ARPC5: variants seen among roughly 807,000 people sequenced by gnomAD.
The protein encoded by ARPC5 is actin related protein 2/3 complex subunit 5, also known as actin-related protein 2/3 complex subunit 5.
Under a neutral mutation model 15.4 loss-of-function variants are expected in ARPC5, and 5 were observed. The observed-to-expected ratio is 0.32, with a 90% CI of 0.17 to 0.68. The LOEUF is 0.68. ARPC5 is among the 30% of genes least tolerant of loss of function. The pLI, the probability that ARPC5 is intolerant of heterozygous loss-of-function variation, is 0.71. For missense variants in ARPC5, 138 were observed against 192.8 expected (o/e 0.72, Z 1.68); for synonymous variants, 85 against 72.2 (o/e 1.18, Z -0.90).
intron 3 of ARPC5, 57 bp downstream of exon 3, chr1:183,630,398 GTTGTCA>G: frequency 7.6e-7 from 1 of 1,312,856 alleles, no homozygotes. Flanking sequence ...GGTGAGAGAG[GTTGTCA>G]TTGTCATTCC....
At position 183,625,974 on chromosome 1, in the gene ARPC5, G is replaced by C. The variant is rs1014868498; in HGVS notation, c.*1558C>G. On this transcript the variant is annotated 3_prime_UTR_variant, in exon 4 of 4. Transcript: ENST00000359856. ...CTTTGGGCAGTGATACTACATATAG[G>C]TATTCAGCTGCCATCCAGAAGGCTA... 2 of 152,136 alleles carry C rather than the reference G, an allele frequency of 1.3e-5. No individual in the cohort carries two copies. The highest frequency in any genetic ancestry group is 1.5e-5 in the Non-Finnish European group (1 of 68,026). The allele number at this position is 152,136 out of a possible 1,614,324, so 9.4% of individuals were successfully genotyped here.
At chr1:183,632,865 T>C (rs773511593) in intron 2 of ARPC5, 3 of 379,048 alleles carry the variant, frequency 7.9e-6, no homozygotes, top group Non-Finnish European at 1.4e-5. Flanking sequence ...GATTTCACTA[T>C]CGTTTGAACT....
Position 183,626,286 on chromosome 1 carries a change from A to T in ARPC5, c.*1246T>A, listed in dbSNP as rs907188105. On this transcript the variant is annotated 3_prime_UTR_variant, in exon 4 of 4. Transcript: ENST00000359856. ...ACAAAAAGCAGGTATCAAAAACAGC[A>T]AAGAGTTTATAGAATTTCTGCACCA... The T allele has an allele frequency of 6.6e-6, 1 of 152,250 alleles. No homozygotes were observed. Among genetic ancestry groups the T allele is most frequent in the Admixed American group, 6.5e-5 (1 of 15,288 alleles). The allele number at this position is 152,250 out of a possible 1,614,324, so 9.4% of individuals were successfully genotyped here.
intron 1 of ARPC5, 39 bp from the exon 2 acceptor site, chr1:183,633,193 C>T (rs768103917): frequency 2.7e-6 from 4 of 1,456,720 alleles, no homozygotes; most frequent in Non-Finnish European, 2.8e-6. Context: ...AGGATGGCCC[C>T]CAGGAAAGCA....
Position 183,623,709 on chromosome 1 carries a change from G to A in ARPC5, c.*3823C>T. The A allele has an allele frequency of 8.7e-6, 5 of 577,092 alleles. No homozygotes were observed. 35.7% of individuals were successfully genotyped at this position (577,092 alleles called of 1,614,324 possible). A position where few individuals can be genotyped will look rare whatever the true frequency, so the allele number is the denominator to read the frequency against. ...AGGGGATGTTAGTTGTAAATCTAAA[G>A]GAAAAATTGTGTATCTAAAAATTAA... On this transcript the variant is annotated 3_prime_UTR_variant, in exon 4 of 4. Coordinates refer to ENST00000359856, the MANE Select transcript of ARPC5 (RefSeq NM_005717.4).
rs372019571 is a variant in ARPC5 at position 183,627,382 on chromosome 1, T to C, written c.*150A>G. ...AATTTTCATTAAAGGACAACTGATA[T>C]GTAATTTTTTTCTTTACAGATATGA... is the stretch of plus-strand genomic sequence containing the variant. On this transcript the variant is annotated 3_prime_UTR_variant, in exon 4 of 4. Coordinates refer to ENST00000359856, the MANE Select transcript of ARPC5 (RefSeq NM_005717.4). 4 of 696,900 alleles carry C rather than the reference T, an allele frequency of 5.7e-6. No homozygotes were observed. The highest frequency in any genetic ancestry group is 2.3e-5 in the Admixed American group (1 of 43,518). 43.2% of individuals were successfully genotyped at this position (696,900 alleles called of 1,614,324 possible). A position where few individuals can be genotyped will look rare whatever the true frequency, so the allele number is the denominator to read the frequency against.
In ARPC5 at chr1:183,627,542, T is replaced by C. The variant is rs1572196432; in HGVS notation, c.446A>G (p.Lys149Arg). 1.2e-6 allele frequency: 2 copies of C among 1,614,070 alleles called. No individual in the cohort carries two copies. Among genetic ancestry groups the C allele is most frequent in the Non-Finnish European group, 1.7e-6 (2 of 1,179,958 alleles). ...CCACTTCCTGCCAGACTACACAGTTTTTCTTGCAGTCAAGACACGAACAAT... is the reference window on the plus strand; with the variant it reads ...CCACTTCCTGCCAGACTACACAGTTCTTCTTGCAGTCAAGACACGAACAAT... Reference protein sequence around the residue: ...GSIVRVLTARKTV With the variant: ...GSIVRVLTARRTV The change falls in exon 4 of 4, where the codon AAA (lysine) becomes AGA (arginine). Residue 149 changes from lysine to arginine, a missense_variant. Around this residue, in one of 3 missense-constraint regions of ARPC5, gnomAD observed 121 missense variants for 153.7 expected, o/e 0.79. Coordinates refer to ENST00000359856, the MANE Select transcript of ARPC5 (RefSeq NM_005717.4).
intron 3 of ARPC5, among the ~76,000 whole-genome samples, chr1:183,629,619 T>C (rs548694804): frequency 2.6e-5 from 4 of 152,356 alleles, no homozygotes; most frequent in Non-Finnish European, 5.9e-5. Flanking sequence ...TTTTGACAGA[T>C]GATGTACCAG....
intron 3 of ARPC5, among the ~76,000 whole-genome samples, chr1:183,627,940 G>A (rs994313063): frequency 1.3e-5 from 2 of 152,016 alleles, no homozygotes; most frequent in Non-Finnish European, 2.9e-5. Context: ...TTGGGAGGCC[G>A]AGGCCGGCGG....
In ARPC5 at chr1:183,623,200, CAA is replaced by C. The variant is rs1648985742; in HGVS notation, c.*4330_*4331del. 1.8e-6 allele frequency: 1 copy of C among 559,418 alleles called. No homozygotes were observed. Among genetic ancestry groups the C allele is most frequent in the African/African-American group, 1.9e-5 (1 of 52,972 alleles). 34.7% of individuals were successfully genotyped at this position (559,418 alleles called of 1,614,324 possible). On this transcript the variant is annotated 3_prime_UTR_variant, in exon 4 of 4. Transcript: ENST00000359856. ...GAATTCAGGTGGGTCATACACTACT[CAA>C]TTTGTGTTTCATGTGGTGTGGATTC...
In ARPC5 at chr1:183,620,938, G is replaced by A. The variant is rs1011648723; in HGVS notation, c.*6594C>T. 1 of 151,930 alleles carries A rather than the reference G, an allele frequency of 6.6e-6. No individual in the cohort carries two copies. Among genetic ancestry groups the A allele is most frequent in the Non-Finnish European group, 1.5e-5 (1 of 68,000 alleles). The allele number at this position is 151,930 out of a possible 1,614,324, so 9.4% of individuals were successfully genotyped here. A position where few individuals can be genotyped will look rare whatever the true frequency, so the allele number is the denominator to read the frequency against. ...ATATTTGACATTCCTGTTGAAAAGA[G>A]CTCCTACAAATCAGTAAGAAAAAGA... On this transcript the variant is annotated 3_prime_UTR_variant, in exon 4 of 4. Coordinates refer to ENST00000359856, the MANE Select transcript of ARPC5 (RefSeq NM_005717.4).
At position 183,623,506 on chromosome 1, in the gene ARPC5, T is replaced by C. The variant is rs1370424193; in HGVS notation, c.*4026A>G. On this transcript the variant is annotated 3_prime_UTR_variant, in exon 4 of 4. Transcript: ENST00000359856. ...ACGTTTTCACATTGGGGTTTTCACA[T>C]ATTGTACTAGTGACATTGGGGTGAG... 6.5e-7 allele frequency: 1 copy of C among 1,550,194 alleles called. No individual in the cohort carries two copies. Among genetic ancestry groups the C allele is most frequent in the East Asian group, 2.4e-5 (1 of 40,908 alleles).
rs1025429624 is a variant in ARPC5 at position 183,625,705 on chromosome 1, T to G, written c.*1827A>C. The G allele has an allele frequency of 8.5e-5, 13 of 152,188 alleles. No homozygotes were observed. The highest frequency in any genetic ancestry group is 2.9e-4 in the African/African-American group (12 of 41,434). The allele number at this position is 152,188 out of a possible 1,614,324, so 9.4% of individuals were successfully genotyped here. A position where few individuals can be genotyped will look rare whatever the true frequency, so the allele number is the denominator to read the frequency against. The stretch of plus-strand genomic sequence containing the variant: ...ACTCCAGCCTGGGCAGCATAGCAAG[T>G]CCCCATCTCTAAGTAATATTTAAGA... On this transcript the variant is annotated 3_prime_UTR_variant, in exon 4 of 4. Coordinates refer to ENST00000359856, the MANE Select transcript of ARPC5 (RefSeq NM_005717.4).
At position 183,627,380 on chromosome 1, in the gene ARPC5, T is replaced by G. The variant is rs1649135651; in HGVS notation, c.*152A>C. 2 of 693,888 alleles carry G rather than the reference T, an allele frequency of 2.9e-6. No homozygotes were observed. Among genetic ancestry groups the G allele is most frequent in the Non-Finnish European group, 5.3e-6 (2 of 380,688 alleles). 43.0% of individuals were successfully genotyped at this position (693,888 alleles called of 1,614,324 possible). On this transcript the variant is annotated 3_prime_UTR_variant, in exon 4 of 4. Transcript: ENST00000359856. ...CCAATTTTCATTAAAGGACAACTGA[T>G]ATGTAATTTTTTTCTTTACAGATAT...
chr1:183,623,155 G>T lies in ARPC5; in HGVS notation c.*4377C>A. ...AGCTAACTGCTAGGCTGGAAAATAC[G>T]GGAGTTTTAGAATGCTTTGGAATTC... On this transcript the variant is annotated 3_prime_UTR_variant, in exon 4 of 4. Coordinates refer to ENST00000359856, the MANE Select transcript of ARPC5 (RefSeq NM_005717.4). The T allele has an allele frequency of 4.5e-6, 2 of 445,748 alleles. No homozygotes were observed. Among genetic ancestry groups the T allele is most frequent in the South Asian group, 4.9e-5 (2 of 40,608 alleles). 27.6% of individuals were successfully genotyped at this position (445,748 alleles called of 1,614,324 possible). A position where few individuals can be genotyped will look rare whatever the true frequency, so the allele number is the denominator to read the frequency against.
intron 1 of ARPC5, 61 bp from the exon 2 acceptor site, chr1:183,633,215 G>T: frequency 1.7e-6 from 2 of 1,147,040 alleles, no homozygotes; most frequent in South Asian, 3.2e-5. Flanking sequence ...TATAACCACT[G>T]GTTCTTATGA....
Position 183,623,899 on chromosome 1 carries a change from T to A in ARPC5, c.*3633A>T. 4.9e-6 allele frequency: 1 copy of A among 202,740 alleles called. No individual in the cohort carries two copies. Among genetic ancestry groups the A allele is most frequent in the South Asian group, 9.4e-5 (1 of 10,660 alleles). 12.6% of individuals were successfully genotyped at this position (202,740 alleles called of 1,614,324 possible). On this transcript the variant is annotated 3_prime_UTR_variant, in exon 4 of 4. Coordinates refer to ENST00000359856, the MANE Select transcript of ARPC5 (RefSeq NM_005717.4). ...TTAGCTGGGCACGGTGATGCGTGCC[T>A]GTAATCCGAGCTACTCAGGAGGCTG...
intron 2 of ARPC5, chr1:183,631,784 T>C (rs906770325): frequency 6.6e-6 from 1 of 152,228 alleles, no homozygotes; most frequent in African/African-American, 2.4e-5. Context: ...TCATTAATAA[T>C]GATCTTTTTT....
chr1:183,635,008 A>G (rs1649415706), intron 1 of ARPC5, among the ~76,000 whole-genome samples: 1 of 149,848 alleles, frequency 6.7e-6, no homozygotes, highest in Admixed American at 6.6e-5. Flanking sequence ...CCGGTAAGGA[A>G]TAAACTACCT....
Sources: allele counts gnomAD v4.1 joint callset (sites outside exome capture counted in the v4.1 genomes callset), GRCh38; gene constraint gnomAD v4.1.1; regional missense constraint gnomAD v4.1.1; transcripts MANE v1.5; gene names NCBI Gene and HGNC (gene_info 2026-07-23, HGNC 2026-07-21).